The following DNM1 variants were observed in gnomAD, a reference collection of about 807,000 sequenced individuals.
DNM1 encodes dynamin-1.
Under a neutral mutation model 104.6 loss-of-function variants are expected in DNM1, and 29 were observed. The ratio of observed to expected loss-of-function variants is 0.28; its 90% CI spans 0.21 to 0.38. The LOEUF (loss-of-function observed/expected upper bound fraction) is 0.38. Ranked by LOEUF, DNM1 falls within the 10% of genes least tolerant of loss-of-function variation. DNM1 has a pLI of 1.00. For missense variants in DNM1, 640 were observed against 1,189.4 expected (o/e 0.54, Z 6.79); for synonymous variants, 445 against 475.8 (o/e 0.94, Z 0.84).
chr9:128,209,112 C>T (rs1281439982), intron 1 of DNM1, among the ~76,000 whole-genome samples: 1 of 152,204 alleles, frequency 6.6e-6, no homozygotes, highest in Admixed American at 6.5e-5. Flanking sequence ...CCACACTCTG[C>T]TCCAGCCTCT....
Position 128,253,869 on chromosome 9 carries a change from C to A in DNM1, c.2535-785C>A. ...GTAGCCAGCCAGCGGGCTCACGCAC[C>A]TTGGCCTGTTGCTCCTAGGGTCACT... On this transcript the variant is annotated intron_variant, in intron 21 of 21. Coordinates refer to ENST00000372923, the MANE Select transcript of DNM1 (RefSeq NM_004408.4). This position sits in a 1 kb window ranked among gnomAD's most constrained non-coding sequence, Gnocchi z 5.9. 8.2e-7 allele frequency: 1 copy of A among 1,216,804 alleles called. No homozygotes were observed. The highest frequency in any genetic ancestry group is 1.0e-6 in the Non-Finnish European group (1 of 975,296). The allele number at this position is 1,216,804 out of a possible 1,614,324, so 75.4% of individuals were successfully genotyped here. A position where few individuals can be genotyped will look rare whatever the true frequency, so the allele number is the denominator to read the frequency against.
chr9:128,250,687 C>G lies in DNM1; in HGVS notation c.2319-38C>G, dbSNP rs2131299175. The G allele has an allele frequency of 2.1e-6, 3 of 1,435,788 alleles. No homozygotes were observed. In the South Asian group the frequency reaches 4.1e-5, roughly 20 times the overall value. 88.9% of individuals were successfully genotyped at this position (1,435,788 alleles called of 1,614,324 possible). A position where few individuals can be genotyped will look rare whatever the true frequency, so the allele number is the denominator to read the frequency against. On this transcript the variant is annotated intron_variant, in intron 20 of 21. Transcript: ENST00000372923. The stretch of plus-strand genomic sequence containing the variant: ...CCTCTGGGTGGGCGGAGCTGCTCAT[C>G]TCGCCTCTCCTTGTTCCTCGCTCCC...
In DNM1 at chr9:128,240,017, T is replaced by A; in HGVS notation, c.1557+21T>A. The stretch of plus-strand genomic sequence containing the variant: ...TTCTGGTGAGTACCAGGACTGGGGC[T>A]CTCGGCTTGTGTAGTGAGGGGGCGG... On this transcript the variant is annotated intron_variant, in intron 14 of 21. Coordinates refer to ENST00000372923, the MANE Select transcript of DNM1 (RefSeq NM_004408.4). This position sits in a 1 kb window ranked among gnomAD's most constrained non-coding sequence, Gnocchi z 5.1. 6.2e-7 allele frequency: 1 copy of A among 1,614,060 alleles called. No individual in the cohort carries two copies. Among genetic ancestry groups the A allele is most frequent in the Non-Finnish European group, 8.5e-7 (1 of 1,179,956 alleles).
chr9:128,218,998 C>T lies in DNM1; in HGVS notation c.386-51C>T. ...AACCCCGCCCTATTCTTTAACCTCG[C>T]CCGCGGCCACGCCCCTCGCCTTGAG... On this transcript the variant is annotated intron_variant, in intron 3 of 21. Coordinates refer to ENST00000372923, the MANE Select transcript of DNM1 (RefSeq NM_004408.4). The surrounding 1 kb of genome is among the most constrained non-coding windows in gnomAD (Gnocchi z 4.8). The T allele has an allele frequency of 1.9e-6, 3 of 1,599,018 alleles. No homozygotes were observed. Among genetic ancestry groups the T allele is most frequent in the East Asian group, 2.2e-5 (1 of 44,688 alleles).
rs375481214 is a variant in DNM1, at chr9:128,249,379, G to A, written c.2076+626G>A. Among the ~76,000 whole-genome samples the A allele has an allele frequency of 1.5e-4, 23 of 151,968 alleles. No homozygotes were observed. In the East Asian group the frequency reaches 3.9e-3, roughly 26 times the overall value. ...TTTTAAAGAATAGCGGGGGTTGGCCGGGCGCGGTAGTTCATGCCTGTAATC... is the reference window on the plus strand; with the variant it reads ...TTTTAAAGAATAGCGGGGGTTGGCCAGGCGCGGTAGTTCATGCCTGTAATC... On this transcript the variant is annotated intron_variant, in intron 19 of 21. Transcript: ENST00000372923.
In DNM1 at chr9:128,222,352, C is replaced by T. The variant is rs762733307; in HGVS notation, c.992+13C>T. The T allele has an allele frequency of 2.4e-5, 38 of 1,610,928 alleles. No individual in the cohort carries two copies. The highest frequency in any genetic ancestry group is 1.6e-4 in the Middle Eastern group (1 of 6,068). ...AGGCCCTGCTGCAGTGAGGCTCCCC[C>T]AGCTCCTATCACTGAATCCCCGCCC... On this transcript the variant is annotated intron_variant, in intron 7 of 21. Coordinates refer to ENST00000372923, the MANE Select transcript of DNM1 (RefSeq NM_004408.4). This position sits in a 1 kb window ranked among gnomAD's most constrained non-coding sequence, Gnocchi z 7.8.
Position 128,220,740 on chromosome 9 carries a change from C to CGTGTGTGTGTGTGTGTGTGTGTGT in DNM1, c.849+400_849+401insTGTGTGTGTGTGTGTGTGTGTGTG, listed in dbSNP as rs754950978. On this transcript the variant is annotated intron_variant, in intron 6 of 21. Transcript: ENST00000372923. This position sits in a 1 kb window ranked among gnomAD's most constrained non-coding sequence, Gnocchi z 5.2. ...TCCAGAACTGAAGTGCGCGCGCGCG[C>CGTGTGTGTGTGTGTGTGTGTGTGT]GCGTGTGTGTGTGTGTGTGTGTGTG... Among the ~76,000 whole-genome samples the CGTGTGTGTGTGTGTGTGTGTGTGT allele has an allele frequency of 3.2e-5, 4 of 125,700 alleles. No homozygotes were observed. Among genetic ancestry groups the CGTGTGTGTGTGTGTGTGTGTGTGT allele is most frequent in the African/African-American group, 8.7e-5 (3 of 34,510 alleles). 82.5% of individuals were successfully genotyped at this position (125,700 alleles called of 152,430 possible). A position where few individuals can be genotyped will look rare whatever the true frequency, so the allele number is the denominator to read the frequency against.
In DNM1 at chr9:128,245,209, C is replaced by T. The variant is rs527299132; in HGVS notation, c.1672-1185C>T. Among the ~76,000 whole-genome samples, 36 of 151,926 alleles carry T rather than the reference C, an allele frequency of 2.4e-4. No individual in the cohort carries two copies. The highest frequency in any genetic ancestry group is 7.0e-4 in the African/African-American group (29 of 41,488). On this transcript the variant is annotated intron_variant, in intron 15 of 21. Transcript: ENST00000372923. This position sits in a 1 kb window ranked among gnomAD's most constrained non-coding sequence, Gnocchi z 5.2. ...TCCCCCAGCCGCCCTCTGGGGCTCCCGGCCACCCGCCTGGCATAAAGAGGG... is the reference window on the plus strand; with the variant it reads ...TCCCCCAGCCGCCCTCTGGGGCTCCTGGCCACCCGCCTGGCATAAAGAGGG...
intron 10 of DNM1, among the ~76,000 whole-genome samples, chr9:128,228,691 T>A (rs1320015756): frequency 6.6e-6 from 1 of 152,118 alleles, no homozygotes; most frequent in East Asian, 1.9e-4. Flanking sequence ...ATTGAAAAAC[T>A]GGAAACTATC....
intron 21 of DNM1, chr9:128,252,973 C>A: frequency 2.4e-6 from 2 of 841,732 alleles, no homozygotes; most frequent in Non-Finnish European, 4.0e-6. Context: ...TTAGCGTGTG[C>A]ATGTGGGCCA....
At position 128,247,903 on chromosome 9, in the gene DNM1, G is replaced by T; in HGVS notation, c.1894-21G>T. 6.2e-7 allele frequency: 1 copy of T among 1,613,300 alleles called. No individual in the cohort carries two copies. The highest frequency in any genetic ancestry group is 1.3e-5 in the African/African-American group (1 of 74,994). On this transcript the variant is annotated intron_variant, in intron 17 of 21. Coordinates refer to ENST00000372923, the MANE Select transcript of DNM1 (RefSeq NM_004408.4). The surrounding 1 kb of genome is among the most constrained non-coding windows in gnomAD (Gnocchi z 5.1). ...CCCTGGTGGTGGCGGCGGTGGCAAT[G>T]TTGGTGTGTGGGCCTCCCAGGACAA...
intron 10 of DNM1, chr9:128,226,239 G>A: frequency 6.3e-7 from 1 of 1,597,390 alleles, no homozygotes; most frequent in Non-Finnish European, 8.5e-7. Flanking sequence ...GCCTCCCGTG[G>A]GCAGAAGGAT....
chr9:128,226,059 C>T lies in DNM1; in HGVS notation c.1335+1670C>T, dbSNP rs776720656. ...GGACGGGCCTCTTCACACCTGACCT[C>T]GCTTTTGAAGCCACAGTGAAAAAGC... On this transcript the variant is annotated intron_variant, in intron 10 of 21. Transcript: ENST00000372923. 8 of 1,612,650 alleles carry T rather than the reference C, an allele frequency of 5.0e-6. No homozygotes were observed. In the African/African-American group the frequency reaches 5.3e-5, roughly 11 times the overall value.
chr9:128,246,054 G>A (rs945886932), intron 15 of DNM1, among the ~76,000 whole-genome samples: 1 of 152,208 alleles, frequency 6.6e-6, no homozygotes, highest in Non-Finnish European at 1.5e-5. Context: ...CCAGGCCGGG[G>A]GTGAGAGAGG....
chr9:128,203,572 C>G lies in DNM1; in HGVS notation c.102C>G (p.Ile34Met). 1 of 1,551,156 alleles carries G rather than the reference C, an allele frequency of 6.4e-7. No individual in the cohort carries two copies. Among genetic ancestry groups the G allele is most frequent in the Non-Finnish European group, 8.7e-7 (1 of 1,152,160 alleles). The change falls in exon 1 of 22, where the codon ATC becomes ATG. Residue 34 changes from isoleucine (I) to methionine (M), a missense_variant. This residue lies in a region of DNM1 where 172 missense variants were observed against 335.3 expected (regional missense o/e 0.51). Transcript: ENST00000372923. This position sits in a 1 kb window ranked among gnomAD's most constrained non-coding sequence, Gnocchi z 5.3. Reference sequence around the variant, plus strand: ...ACGCGGACCTCGACCTGCCGCAGATCGCTGTGGTGGGCGGCCAGAGCGCCG... The same window carrying G: ...ACGCGGACCTCGACCTGCCGCAGATGGCTGTGGTGGGCGGCCAGAGCGCCG... ...GQNADLDLPQ[I>M]AVVGGQSAGK...
At position 128,253,487 on chromosome 9, in the gene DNM1, G is replaced by A. The variant is rs1252981316; in HGVS notation, c.2535-1167G>A. ...AAAGGCTGGGAGCTTGGAGGGGGTC[G>A]TGTGTGGGGCTGGACTCTGAGGCGG... On this transcript the variant is annotated intron_variant, in intron 21 of 21. Coordinates refer to ENST00000372923, the MANE Select transcript of DNM1 (RefSeq NM_004408.4). This position sits in a 1 kb window ranked among gnomAD's most constrained non-coding sequence, Gnocchi z 5.9. The A allele has an allele frequency of 3.1e-5, 11 of 349,242 alleles. No homozygotes were observed. Among genetic ancestry groups the A allele is most frequent in the East Asian group, 1.2e-4 (2 of 16,498 alleles). The allele number at this position is 349,242 out of a possible 1,614,324, so 21.6% of individuals were successfully genotyped here.
intron 20 of DNM1, 126 bp from the exon 21 acceptor site, chr9:128,250,599 T>C (rs1267762258): frequency 4.9e-6 from 5 of 1,022,056 alleles, no homozygotes; most frequent in Non-Finnish European, 6.7e-6. Context: ...GGCGACCGCC[T>C]TAGGGGTGCG....
At chr9:128,213,207 G>A (rs529580384) in intron 1 of DNM1, among the ~76,000 whole-genome samples, 3 of 152,042 alleles carry the variant, frequency 2.0e-5, no homozygotes, top group Admixed American at 1.3e-4. Flanking sequence ...TCAGTCTCCC[G>A]AGTAGCTGGG....
chr9:128,216,592 CCTT>C (rs941695836), intron 1 of DNM1, among the ~76,000 whole-genome samples: 2 of 152,204 alleles, frequency 1.3e-5, no homozygotes, highest in Non-Finnish European at 2.9e-5. Context: ...GGCTTACCAT[CCTT>C]CTCCTTCTCC....
Sources: gnomAD v4.1 joint callset for allele counts (sites outside exome capture counted in the v4.1 genomes callset) on GRCh38, gnomAD v4.1.1 for gene constraint, gnomAD v4.1.1 regional missense constraint, Gnocchi (gnomAD v3.1) non-coding constraint, MANE v1.5 for transcripts, NCBI Gene and HGNC (gene_info 2026-07-23, HGNC 2026-07-21) for gene names.